The following DOCK8 variants were observed in gnomAD, a reference collection of about 807,000 sequenced individuals.
DOCK8 encodes the protein dedicator of cytokinesis protein 8.
DOCK8 carries 141 observed loss-of-function variants against 245.6 expected under a neutral mutation model. The observed-to-expected ratio is 0.57, with a 90% confidence interval of 0.50 to 0.66. The LOEUF (loss-of-function observed/expected upper bound fraction) is 0.66, where lower values mean the gene tolerates loss of function less well. Among genes scored for constraint, DOCK8 ranks in the 30% least tolerant of loss-of-function variants. The pLI is 0.00. For missense variants in DOCK8, 2,965 were observed against 2,603.4 expected, an observed-to-expected ratio of 1.14 and a Z score of -3.02; for synonymous variants, 1,168 against 970.2, an observed-to-expected ratio of 1.20 and a Z score of -3.79.
intron 1 of DOCK8, among the ~76,000 whole-genome samples, chr9:216,204 A>G (rs1330076361): frequency 6.6e-6 from 1 of 152,062 alleles, no homozygotes; most frequent in African/African-American, 2.4e-5. Context: ...TATATTGCAT[A>G]TTAATGTTGG....
intron 11 of DOCK8, among the ~76,000 whole-genome samples, chr9:335,300 A>G (rs2130886382): frequency 6.6e-6 from 1 of 152,314 alleles, no homozygotes; most frequent in Non-Finnish European, 1.5e-5. Context: ...CAAATTTTCA[A>G]GTAGACCTGC....
chr9:410,226 A>G (rs1460609980), intron 28 of DOCK8, among the ~76,000 whole-genome samples: 1 of 152,200 alleles, frequency 6.6e-6, no homozygotes, highest in Non-Finnish European at 1.5e-5. Context: ...CAGTCAGATA[A>G]AAAATATAAT....
At chr9:428,961 T>G (rs939277871) in intron 35 of DOCK8, among the ~76,000 whole-genome samples, 5 of 141,670 alleles carry the variant, frequency 3.5e-5, no homozygotes, top group Admixed American at 1.3e-4. Context: ...TATTTTTCCC[T>G]TTATTTATTT....
intron 2 of DOCK8, among the ~76,000 whole-genome samples, chr9:276,442 A>G (rs1181712258): frequency 6.6e-6 from 1 of 150,886 alleles, no homozygotes; most frequent in Non-Finnish European, 1.5e-5. Context: ...AAAAACTATA[A>G]ATATCAGGTC....
chr9:441,774 A>G (rs2057102065), intron 41 of DOCK8, 101 bp from the exon 42 acceptor site: 5 of 1,477,306 alleles, frequency 3.4e-6, no homozygotes, highest in Non-Finnish European at 3.7e-6. Flanking sequence ...CCATAGGAGT[A>G]AAATGCTTTG....
chr9:252,728 C>T (rs1000928283), intron 1 of DOCK8, among the ~76,000 whole-genome samples: 3 of 149,404 alleles, frequency 2.0e-5, no homozygotes, highest in Non-Finnish European at 4.4e-5. Context: ...TGCTTGAACC[C>T]GGGAGGTCGC....
At chr9:386,891 A>G (rs923611853) in intron 23 of DOCK8, among the ~76,000 whole-genome samples, 6 of 152,244 alleles carry the variant, frequency 3.9e-5, no homozygotes, top group Admixed American at 3.9e-4. Flanking sequence ...TTTCAATACC[A>G]TATAAACTAA....
intron 9 of DOCK8, among the ~76,000 whole-genome samples, chr9:331,804 A>G (rs561839145): frequency 4.6e-5 from 7 of 152,292 alleles, no homozygotes; most frequent in South Asian, 4.1e-4. Context: ...GCACATCCCA[A>G]TGCTTTTGAG....
intron 46 of DOCK8, among the ~76,000 whole-genome samples, chr9:457,855 A>G (rs2057689122): frequency 6.6e-6 from 1 of 152,224 alleles, no homozygotes; most frequent in African/African-American, 2.4e-5. Flanking sequence ...TGTTTCAACT[A>G]ATTTAATCTT....
chr9:398,335 C>T (rs908648776), intron 25 of DOCK8, among the ~76,000 whole-genome samples: 1 of 152,200 alleles, frequency 6.6e-6, no homozygotes, highest in Non-Finnish European at 1.5e-5. Flanking sequence ...GGTCCCCATC[C>T]ATCCCAGTGA....
At chr9:322,568 C>T (rs988294136) in intron 7 of DOCK8, among the ~76,000 whole-genome samples, 9 of 151,078 alleles carry the variant, frequency 6.0e-5, no homozygotes, top group African/African-American at 1.5e-4. Flanking sequence ...ATCTGCATTA[C>T]GCTGTAGTTG....
chr9:453,938 C>T (rs557625993), intron 46 of DOCK8, among the ~76,000 whole-genome samples: 185 of 152,314 alleles, frequency 1.2e-3, no homozygotes, highest in Non-Finnish European at 2.0e-3. Flanking sequence ...ATATTCCAGG[C>T]ATGATATTAG....
chr9:356,188 C>T lies in DOCK8; in HGVS notation c.1680-11830C>T, dbSNP rs575535376. Among the ~76,000 whole-genome samples, 132 of 152,232 alleles carry T rather than the reference C, an allele frequency of 8.7e-4. 1 individual carries two copies. In the Middle Eastern group the frequency reaches 0.017, roughly 20 times the overall value. Reference sequence around the variant, plus strand: ...GCGAGTTAGGAAAGATACATTTATCCAGTGGACCTTTTGACTGTCTTGTCA... The same window carrying T: ...GCGAGTTAGGAAAGATACATTTATCTAGTGGACCTTTTGACTGTCTTGTCA... On this transcript the variant is annotated intron_variant, in intron 14 of 47. Coordinates refer to ENST00000432829, the MANE Select transcript of DOCK8 (RefSeq NM_203447.4).
intron 1 of DOCK8, among the ~76,000 whole-genome samples, chr9:236,378 A>T (rs1563829832): frequency 6.6e-6 from 1 of 152,208 alleles, no homozygotes; most frequent in African/African-American, 2.4e-5. Flanking sequence ...TCTACAAGGG[A>T]GATTGGCAAA....
intron 1 of DOCK8, among the ~76,000 whole-genome samples, chr9:254,086 A>G (rs73372561): frequency 0.026 from 3,932 of 152,328 alleles, 166 homozygotes; most frequent in African/African-American, 0.087. Context: ...ACTGCATAGG[A>G]GAACAGTTTA....
intron 1 of DOCK8, among the ~76,000 whole-genome samples, chr9:270,261 C>T (rs1381167131): frequency 6.6e-6 from 1 of 152,192 alleles, no homozygotes; most frequent in Admixed American, 6.5e-5. Context: ...TTCACACTTC[C>T]TTGCCTCATC....
chr9:400,059 C>T lies in DOCK8; in HGVS notation c.3234+800C>T, dbSNP rs1285528694. ...CCACCACCACCTCCACCATCACCACCTCCTTCACCATCACCATCACCACCA... is the reference window on the plus strand; with the variant it reads ...CCACCACCACCTCCACCATCACCACTTCCTTCACCATCACCATCACCACCA... On this transcript the variant is annotated intron_variant, in intron 26 of 47. Coordinates refer to ENST00000432829, the MANE Select transcript of DOCK8 (RefSeq NM_203447.4). Among the ~76,000 whole-genome samples the T allele has an allele frequency of 2.9e-4, 30 of 104,168 alleles. 1 individual carries two copies. Among genetic ancestry groups the T allele is most frequent in the African/African-American group, 1.1e-3 (21 of 19,394 alleles). 68.3% of individuals were successfully genotyped at this position (104,168 alleles called of 152,430 possible).
chr9:294,407 G>T (rs541491570), intron 4 of DOCK8, among the ~76,000 whole-genome samples: 1 of 152,156 alleles, frequency 6.6e-6, no homozygotes, highest in Admixed American at 6.5e-5. Flanking sequence ...TTAAACTGGC[G>T]TGTTCCCATA....
At chr9:216,118 T>C (rs2046745316) in intron 1 of DOCK8, among the ~76,000 whole-genome samples, 1 of 152,220 alleles carries the variant, frequency 6.6e-6, no homozygotes, top group Non-Finnish European at 1.5e-5. Context: ...TATTTCCACT[T>C]GATACGTGAC....
Sources: allele counts gnomAD v4.1 joint callset (sites outside exome capture counted in the v4.1 genomes callset), GRCh38; gene constraint gnomAD v4.1.1; transcripts MANE v1.5; gene names NCBI Gene and HGNC (gene_info 2026-07-23, HGNC 2026-07-21).